Variants in SCLT1 observed in about 807,000 individuals in gnomAD.
The protein encoded by SCLT1 is sodium channel and clathrin linker 1.
SCLT1 carries 78 observed loss-of-function variants against 112.8 expected under a neutral mutation model. The observed-to-expected ratio is 0.69, with a 90% CI of 0.58 to 0.83. SCLT1 has a LOEUF of 0.83. SCLT1 is among the 40% of genes least tolerant of loss of function. The pLI is 0.00. For missense variants in SCLT1, 747 were observed against 770.4 expected (o/e 0.97, Z 0.36); for synonymous variants, 257 against 254.7 (o/e 1.01, Z -0.09).
intron 13 of SCLT1, among the ~76,000 whole-genome samples, chr4:128,954,584 A>G (rs1739066710): frequency 6.6e-6 from 1 of 152,164 alleles, no homozygotes; most frequent in South Asian, 2.1e-4. Flanking sequence ...AAGTGCTGGG[A>G]TTACAGGCGT....
chr4:129,002,346 T>C (rs1166258171), intron 6 of SCLT1, among the ~76,000 whole-genome samples: 1 of 151,904 alleles, frequency 6.6e-6, no homozygotes, highest in Non-Finnish European at 1.5e-5. Flanking sequence ...AAAAATTAGT[T>C]GAAAAACAGG....
At chr4:129,065,636 G>A (rs987052508) in intron 2 of SCLT1, among the ~76,000 whole-genome samples, 7 of 151,408 alleles carry the variant, frequency 4.6e-5, no homozygotes, top group Non-Finnish European at 3.0e-5. Flanking sequence ...TTGGCCAGTG[G>A]GCTATAGTTT....
intron 4 of SCLT1, 144 bp from the exon 5 acceptor site, chr4:129,039,240 T>C (rs1340529130): frequency 1.8e-6 from 1 of 567,936 alleles, no homozygotes; most frequent in African/African-American, 1.9e-5. Context: ...AAGGGATAAT[T>C]AATATGGATA....
chr4:129,080,291 T>C (rs1751823713), intron 2 of SCLT1, among the ~76,000 whole-genome samples: 1 of 152,244 alleles, frequency 6.6e-6, no homozygotes, highest in African/African-American at 2.4e-5. Flanking sequence ...TTCCAAACTA[T>C]TATGCTCTAC....
rs1488139007 is a variant in SCLT1, at chr4:129,026,247, A to T, written c.290+12794T>A. On this transcript the variant is annotated intron_variant, in intron 5 of 20. Transcript: ENST00000281142. ...TCCACCCCAAATCAACAGAATATAC[A>T]TTATTTTCAGCACCACACCACACCT... Among the ~76,000 whole-genome samples, 3 of 152,176 alleles carry T rather than the reference A, an allele frequency of 2.0e-5. No individual in the cohort carries two copies. The East Asian group carries it at 5.8e-4, about 29-fold the overall frequency.
At chr4:129,063,623 GC>G (rs1024262247) in intron 2 of SCLT1, among the ~76,000 whole-genome samples, 41 of 152,330 alleles carry the variant, frequency 2.7e-4, no homozygotes, top group African/African-American at 9.4e-4. Flanking sequence ...CTGTGGGCCA[GC>G]TGGTGTGGTG....
At chr4:128,954,797 G>A (rs1025799540) in intron 13 of SCLT1, among the ~76,000 whole-genome samples, 4 of 152,122 alleles carry the variant, frequency 2.6e-5, no homozygotes, top group African/African-American at 9.7e-5. Flanking sequence ...AAAATCCAAT[G>A]AGGTTGTTAT....
At chr4:129,018,562 T>C (rs528267829) in intron 5 of SCLT1, among the ~76,000 whole-genome samples, 1 of 152,278 alleles carries the variant, frequency 6.6e-6, no homozygotes, top group East Asian at 1.9e-4. Context: ...GATCTCTCAG[T>C]TCTCACTCTT....
At chr4:129,006,937 TTA>T (rs1457657398) in intron 5 of SCLT1, among the ~76,000 whole-genome samples, 2 of 152,218 alleles carry the variant, frequency 1.3e-5, no homozygotes, top group African/African-American at 4.8e-5. Flanking sequence ...AACGCCGACG[TTA>T]TGTTATTTTC....
intron 14 of SCLT1, 198 bp downstream of exon 14, chr4:128,952,571 G>A: frequency 1.7e-6 from 1 of 593,030 alleles, no homozygotes; most frequent in Non-Finnish European, 3.0e-6. Flanking sequence ...TGTGATAAAT[G>A]CCATCTATCT....
At chr4:129,087,477 T>C (rs1399964085) in intron 1 of SCLT1, among the ~76,000 whole-genome samples, 1 of 150,588 alleles carries the variant, frequency 6.6e-6, no homozygotes, top group African/African-American at 2.4e-5. Context: ...GACAAAAATA[T>C]TGGGAAGGAA....
intron 18 of SCLT1, among the ~76,000 whole-genome samples, chr4:128,925,527 T>C (rs1736227729): frequency 6.6e-6 from 1 of 152,116 alleles, no homozygotes; most frequent in Non-Finnish European, 1.5e-5. Context: ...TTTCACCATG[T>C]TGGCCAGGCT....
At position 128,884,625 on chromosome 4, in the gene SCLT1, A is replaced by G. The variant is rs1208233322; in HGVS notation, c.2005-86T>C. 9.8e-6 allele frequency: 8 copies of G among 819,292 alleles called. No individual in the cohort carries two copies. In the East Asian group the frequency reaches 9.8e-5, roughly 10 times the overall value. 50.8% of individuals were successfully genotyped at this position (819,292 alleles called of 1,614,324 possible). A position where few individuals can be genotyped will look rare whatever the true frequency, so the allele number is the denominator to read the frequency against. Reference sequence around the variant, plus strand: ...TACAAAGAAGAATGCATCACAACCTATAAGTACTGAAATGGTCTTATTGGA... The same window carrying G: ...TACAAAGAAGAATGCATCACAACCTGTAAGTACTGAAATGGTCTTATTGGA... On this transcript the variant is annotated intron_variant, in intron 20 of 20. Transcript: ENST00000281142.
chr4:129,086,591 C>T (rs1442926113), intron 1 of SCLT1, among the ~76,000 whole-genome samples: 1 of 152,054 alleles, frequency 6.6e-6, no homozygotes, highest in Admixed American at 6.6e-5. Context: ...TACTAAACAG[C>T]ATTTGGTATG....
chr4:129,039,957 C>T (rs1344594263), intron 4 of SCLT1: 6 of 490,322 alleles, frequency 1.2e-5, no homozygotes, highest in Non-Finnish European at 2.2e-5. Context: ...CATGTAAAAG[C>T]ATGCAAAATC....
chr4:128,918,240 T>C (rs1271372093), intron 18 of SCLT1, among the ~76,000 whole-genome samples: 2 of 152,124 alleles, frequency 1.3e-5, no homozygotes, highest in African/African-American at 4.8e-5. Flanking sequence ...ATCTGTCTGA[T>C]GACAGATATT....
intron 18 of SCLT1, among the ~76,000 whole-genome samples, chr4:128,922,343 A>G (rs1196325578): frequency 1.3e-5 from 2 of 152,158 alleles, no homozygotes; most frequent in African/African-American, 4.8e-5. Flanking sequence ...ACAAAGACGC[A>G]TGCTTGTGTA....
intron 17 of SCLT1, among the ~76,000 whole-genome samples, chr4:128,941,618 T>G (rs902864082): frequency 2.0e-5 from 3 of 152,078 alleles, no homozygotes; most frequent in African/African-American, 7.2e-5. Context: ...TTCTCCCACT[T>G]TTCCCTTTCT....
intron 18 of SCLT1, among the ~76,000 whole-genome samples, chr4:128,913,600 T>A (rs978797250): frequency 1.3e-5 from 2 of 152,134 alleles, no homozygotes; most frequent in African/African-American, 4.8e-5. Context: ...TTGAGCTGAA[T>A]GAGTAAAGCT....
Sources: gnomAD v4.1 joint callset for allele counts (sites outside exome capture counted in the v4.1 genomes callset) on GRCh38, gnomAD v4.1.1 for gene constraint, MANE v1.5 for transcripts, NCBI Gene and HGNC (gene_info 2026-07-23, HGNC 2026-07-21) for gene names.